The following NTRK1 variants were observed in gnomAD, a reference collection of about 807,000 sequenced individuals.
NTRK1 encodes the protein neurotrophic receptor tyrosine kinase 1.
Under a neutral mutation model 86.8 loss-of-function variants are expected in NTRK1, and 62 were observed. That is an observed-to-expected ratio of 0.71 (90% CI 0.58 to 0.88). NTRK1 has a LOEUF of 0.88. Among genes scored for constraint, NTRK1 ranks in the 40% least tolerant of loss-of-function variants. NTRK1 has a pLI of 0.00. For synonymous variants in NTRK1, 469 were observed against 456.6 expected (o/e 1.03, Z -0.35); for missense variants, 967 against 1,078.4 (o/e 0.90, Z 1.45).
chr1:156,847,067 C>T (rs1031018674), intron 2 of NTRK1, among the ~76,000 whole-genome samples: 7 of 152,146 alleles, frequency 4.6e-5, no homozygotes, highest in Non-Finnish European at 1.0e-4. Flanking sequence ...GTGAAAGAGT[C>T]CCCTCTCCTA....
At chr1:156,845,275 C>G (rs1233021526) in intron 2 of NTRK1, 3 of 1,612,414 alleles carry the variant, frequency 1.9e-6, no homozygotes, top group Non-Finnish European at 2.5e-6. Context: ...GCCCAGCTGC[C>G]CGGCGGTGCC....
At chr1:156,844,567 G>T in intron 2 of NTRK1, 1 of 1,614,190 alleles carries the variant, frequency 6.2e-7, no homozygotes, top group South Asian at 1.1e-5. Context: ...AGCAGGGCCA[G>T]GTGGACTCCC....
At chr1:156,841,459 C>A in intron 1 of NTRK1, 1 of 1,613,972 alleles carries the variant, frequency 6.2e-7, no homozygotes, top group Non-Finnish European at 8.5e-7. Context: ...TCAGCACCTG[C>A]TCATTGGACA....
At chr1:156,840,429 G>GCCCCCCCCCCCCCCCC (rs369914973) in intron 1 of NTRK1, 1 of 158,438 alleles carries the variant, frequency 6.3e-6, no homozygotes, top group Non-Finnish European at 1.4e-5. Context: ...GTCATGTGGA[G>GCCCCCCCCCCCCCCCC]CCCCACCCCC....
chr1:156,858,773 C>A, upstream of NTRK1: 1 of 643,044 alleles, frequency 1.6e-6, no homozygotes, highest in South Asian at 1.8e-5. Flanking sequence ...ACAGAGACAG[C>A]AGGAGACAGA....
At chr1:156,824,684 TTGTC>T (rs1334598538) in intron 1 of NTRK1, among the ~76,000 whole-genome samples, 1 of 152,204 alleles carries the variant, frequency 6.6e-6, no homozygotes, top group Admixed American at 6.5e-5. Context: ...GTGTAATTCT[TTGTC>T]AGAAAGAGCA....
chr1:156,845,541 A>AAACC, intron 2 of NTRK1: 1 of 1,288,360 alleles, frequency 7.8e-7, no homozygotes, highest in Non-Finnish European at 1.1e-6. Context: ...CCACCCACAA[A>AAACC]CCCCACCCCT....
chr1:156,825,623 C>T (rs1204475583), intron 1 of NTRK1, among the ~76,000 whole-genome samples: 1 of 152,182 alleles, frequency 6.6e-6, no homozygotes, highest in Non-Finnish European at 1.5e-5. Flanking sequence ...TATTATGTGA[C>T]AAATAACTGC....
rs759660215 is a variant in NTRK1, at chr1:156,854,099, A to G, written c.51-10255A>G. 50 of 1,613,978 alleles carry G rather than the reference A, an allele frequency of 3.1e-5. No individual in the cohort carries two copies. The highest frequency in any genetic ancestry group is 4.2e-5 in the Non-Finnish European group (49 of 1,180,046). ...GCGGATGACTGCTAGGTTGGGGAAGAGGTCGCGCAGGCTCTCCAGTCCGTA... is the reference window on the plus strand; with the variant it reads ...GCGGATGACTGCTAGGTTGGGGAAGGGGTCGCGCAGGCTCTCCAGTCCGTA... On this transcript the variant is annotated intron_variant, in intron 2 of 16. Coordinates refer to the NTRK1 transcript ENST00000392302. This position sits in a 1 kb window ranked among gnomAD's most constrained non-coding sequence, Gnocchi z 4.2.
chr1:156,845,892 C>A lies in NTRK1; in HGVS notation c.50+3699C>A, dbSNP rs1654986953. 1.4e-5 allele frequency: 22 copies of A among 1,597,388 alleles called. No homozygotes were observed. In the South Asian group the frequency reaches 2.3e-4, roughly 17 times the overall value. ...ATCCCCCCCACCTGCCGGGGCCCTGCGCCTCCATCTCCCCTTCCCCACCCG... is the reference window on the plus strand; with the variant it reads ...ATCCCCCCCACCTGCCGGGGCCCTGAGCCTCCATCTCCCCTTCCCCACCCG... On this transcript the variant is annotated intron_variant, in intron 2 of 16. Transcript: ENST00000392302.
At chr1:156,817,549 T>C (rs891045556) in intron 1 of NTRK1, among the ~76,000 whole-genome samples, 14 of 152,136 alleles carry the variant, frequency 9.2e-5, no homozygotes, top group African/African-American at 2.9e-4. Flanking sequence ...CCAGGCAATA[T>C]TGGAGGAAGG....
intron 7 of NTRK1, 87 bp downstream of exon 7, chr1:156,871,842 AG>A (rs1647576615): frequency 1.3e-6 from 2 of 1,568,762 alleles, no homozygotes; most frequent in South Asian, 2.2e-5. Flanking sequence ...GCTGGAAGAA[AG>A]GGTGGGATGT....
chr1:156,879,592 C>T (rs1212890883), intron 15 of NTRK1, among the ~76,000 whole-genome samples: 1 of 152,100 alleles, frequency 6.6e-6, no homozygotes, highest in South Asian at 2.1e-4. Flanking sequence ...TGAGAGCCAC[C>T]ACTGTTTGTT....
At chr1:156,858,655 C>T (rs774837872), upstream of NTRK1, 1 of 1,583,142 alleles carries the variant, frequency 6.3e-7, no homozygotes, top group South Asian at 1.1e-5. Flanking sequence ...AGTCCCGGCT[C>T]TCCTCCCGGT....
chr1:156,860,178 G>A (rs572632425), upstream of NTRK1, among the ~76,000 whole-genome samples: 2 of 152,214 alleles, frequency 1.3e-5, no homozygotes, highest in South Asian at 4.1e-4. Flanking sequence ...GACCTGAGGC[G>A]TTGCTCACTG....
intron 2 of NTRK1, chr1:156,842,471 G>A: frequency 1.9e-6 from 3 of 1,614,122 alleles, no homozygotes; most frequent in Non-Finnish European, 2.5e-6. Flanking sequence ...GATGACCAGA[G>A]TTGGCTGGCC....
intron 1 of NTRK1, among the ~76,000 whole-genome samples, chr1:156,819,614 G>T (rs1654127840): frequency 6.6e-6 from 1 of 151,976 alleles, no homozygotes; most frequent in African/African-American, 2.4e-5. Flanking sequence ...CCGCCTCTCA[G>T]GTTCAACAGA....
At chr1:156,843,267 G>A in intron 2 of NTRK1, 8 of 1,595,534 alleles carry the variant, frequency 5.0e-6, no homozygotes, top group South Asian at 1.1e-5. Context: ...AAGCGAGGAT[G>A]CTGCTCTCTG....
intron 1 of NTRK1, chr1:156,841,705 A>G (rs1654791583): frequency 6.2e-7 from 1 of 1,613,670 alleles, no homozygotes; most frequent in African/African-American, 1.3e-5. Context: ...TCTTTGAGGG[A>G]CTCGGGGGCC....
Sources: gnomAD v4.1 joint callset for allele counts (sites outside exome capture counted in the v4.1 genomes callset) on GRCh38, gnomAD v4.1.1 for gene constraint, Gnocchi (gnomAD v3.1) non-coding constraint, MANE v1.5 for transcripts, NCBI Gene and HGNC (gene_info 2026-07-23, HGNC 2026-07-21) for gene names.